Variants in FRS2 observed in about 807,000 individuals in gnomAD.
The protein encoded by FRS2 is FGFR signalling adaptor.
In FRS2, 8 loss-of-function variants were observed where a neutral mutation model predicts 43.9. That is an observed-to-expected ratio of 0.18 (90% CI 0.11 to 0.33). FRS2 has a LOEUF of 0.33. Among genes scored for constraint, FRS2 ranks in the 10% least tolerant of loss-of-function variants. The pLI is 1.00. For missense variants in FRS2, 534 were observed against 627.6 expected, an observed-to-expected ratio of 0.85 and a Z score of 1.59; for synonymous variants, 219 against 220.3, an observed-to-expected ratio of 0.99 and a Z score of 0.05.
At chr12:69,525,130 TC>T (rs1876078729) in intron 1 of FRS2, among the ~76,000 whole-genome samples, 1 of 152,032 alleles carries the variant, frequency 6.6e-6, no homozygotes, top group African/African-American at 2.4e-5. Flanking sequence ...TGGAGAGTCC[TC>T]CACTCTGGAA....
At chr12:69,478,612 A>C (rs997780594) in intron 1 of FRS2, among the ~76,000 whole-genome samples, 3 of 152,130 alleles carry the variant, frequency 2.0e-5, no homozygotes, top group African/African-American at 7.2e-5. Context: ...TTTGAAGACC[A>C]GTGTTTGTGA....
Position 69,552,752 on chromosome 12 carries a change from C to T in FRS2, c.-121-9428C>T, listed in dbSNP as rs571081677. Among the ~76,000 whole-genome samples, 65 of 152,074 alleles carry T rather than the reference C, an allele frequency of 4.3e-4. No individual in the cohort carries two copies. The South Asian group carries it at 0.013, about 31-fold the overall frequency. ...ACTAAAAATACAAAACTTAGCTGGG[C>T]GTGGTGGCGCATGCCTGTAATTCCA... On this transcript the variant is annotated intron_variant, in intron 3 of 8. Coordinates refer to ENST00000549921, the MANE Select transcript of FRS2 (RefSeq NM_001278356.2).
At chr12:69,500,618 A>G (rs1268789577) in intron 1 of FRS2, among the ~76,000 whole-genome samples, 1 of 152,202 alleles carries the variant, frequency 6.6e-6, no homozygotes, top group Non-Finnish European at 1.5e-5. Context: ...TATTTAATTC[A>G]ACCATAATAA....
At chr12:69,570,097 C>T (rs1204100617) in intron 5 of FRS2, among the ~76,000 whole-genome samples, 2 of 152,196 alleles carry the variant, frequency 1.3e-5, no homozygotes, top group Admixed American at 1.3e-4. Context: ...ATTCCTTTGT[C>T]AATTAATCAT....
At chr12:69,475,462 A>G (rs1274777499) in intron 1 of FRS2, among the ~76,000 whole-genome samples, 1 of 152,160 alleles carries the variant, frequency 6.6e-6, no homozygotes, top group Non-Finnish European at 1.5e-5. Flanking sequence ...TTCAGTCTAA[A>G]TGATGGCCAG....
intron 1 of FRS2, among the ~76,000 whole-genome samples, chr12:69,523,976 G>A (rs1875943576): frequency 6.6e-6 from 1 of 152,232 alleles, no homozygotes; most frequent in African/African-American, 2.4e-5. Context: ...AACAGCAGTG[G>A]CAGTGTGGAC....
At chr12:69,535,803 T>C (rs1282266118) in intron 3 of FRS2, among the ~76,000 whole-genome samples, 1 of 152,184 alleles carries the variant, frequency 6.6e-6, no homozygotes, top group Non-Finnish European at 1.5e-5. Flanking sequence ...ACATGGTAAT[T>C]AATGTCTCTC....
chr12:69,555,611 G>C lies in FRS2; in HGVS notation c.-121-6569G>C, dbSNP rs370481877. On this transcript the variant is annotated intron_variant, in intron 3 of 8. Transcript: ENST00000549921. ...GGATTTTGTCAACCAGAAAGTATTT[G>C]TGGGATGCGAAATTTCCATATACAA... Among the ~76,000 whole-genome samples, 534 of 152,274 alleles carry C rather than the reference G, an allele frequency of 3.5e-3. 3 individuals carry two copies. Among genetic ancestry groups the C allele is most frequent in the African/African-American group, 0.012 (513 of 41,538 alleles).
chr12:69,565,001 C>G (rs138186632), intron 4 of FRS2, among the ~76,000 whole-genome samples: 134 of 152,320 alleles, frequency 8.8e-4, no homozygotes, highest in South Asian at 2.1e-3. Context: ...GTGGAGATTC[C>G]TTCTGAGAAA....
At chr12:69,553,643 G>A (rs951814681) in intron 3 of FRS2, among the ~76,000 whole-genome samples, 2 of 152,136 alleles carry the variant, frequency 1.3e-5, no homozygotes, top group African/African-American at 4.8e-5. Flanking sequence ...TCTGAAATAG[G>A]ATTTGATTCT....
Position 69,577,323 on chromosome 12 carries a change from A to G in FRS2, c.*2368A>G, listed in dbSNP as rs1881258429. ...GTGTTAATTTCTAGATATTTTCTAG[A>G]AATCACTTGTGTTCCTATTTAATAA... On this transcript the variant is annotated 3_prime_UTR_variant, in exon 9 of 9. Transcript: ENST00000549921. 6.6e-6 allele frequency: 1 copy of G among 152,176 alleles called. No individual in the cohort carries two copies. Among genetic ancestry groups the G allele is most frequent in the South Asian group, 2.1e-4 (1 of 4,834 alleles). 9.4% of individuals were successfully genotyped at this position (152,176 alleles called of 1,614,324 possible). A position where few individuals can be genotyped will look rare whatever the true frequency, so the allele number is the denominator to read the frequency against.
chr12:69,533,930 A>G lies in FRS2; in HGVS notation c.-122+1874A>G, dbSNP rs568694725. Among the ~76,000 whole-genome samples, 129 of 152,298 alleles carry G rather than the reference A, an allele frequency of 8.5e-4. No homozygotes were observed. In the Middle Eastern group the frequency reaches 0.01, roughly 12 times the overall value. On this transcript the variant is annotated intron_variant, in intron 3 of 8. Transcript: ENST00000549921. ...GATTGTTTTTGAGGAATCCAGTGCT[A>G]TTCTAGGTCATTTTAGGTCTGAAGG...
chr12:69,570,243 TA>T, intron 5 of FRS2, 87 bp from the exon 6 acceptor site: 1 of 977,504 alleles, frequency 1.0e-6, no homozygotes. Context: ...ATGAATGAAC[TA>T]ACAAATTACA....
intron 1 of FRS2, among the ~76,000 whole-genome samples, chr12:69,511,252 A>G (rs750036211): frequency 6.6e-5 from 10 of 152,204 alleles, no homozygotes; most frequent in African/African-American, 2.2e-4. Flanking sequence ...TCCATCATTC[A>G]TTAAGCAGTC....
intron 3 of FRS2, among the ~76,000 whole-genome samples, chr12:69,557,578 G>A (rs1301358659): frequency 6.8e-6 from 1 of 146,742 alleles, no homozygotes; most frequent in Non-Finnish European, 1.5e-5. Flanking sequence ...GTTTCTTTGA[G>A]AGTTCTGAAG....
chr12:69,507,200 AC>A (rs1454753029), intron 1 of FRS2, among the ~76,000 whole-genome samples: 6 of 151,956 alleles, frequency 3.9e-5, no homozygotes, highest in Non-Finnish European at 7.4e-5. Flanking sequence ...CATACTTCTT[AC>A]CCCCTCTCCT....
chr12:69,498,296 A>G (rs539825182), intron 1 of FRS2, among the ~76,000 whole-genome samples: 1 of 152,336 alleles, frequency 6.6e-6, no homozygotes, highest in South Asian at 2.1e-4. Context: ...GGATAAAAGT[A>G]TAAGGCACAA....
intron 3 of FRS2, among the ~76,000 whole-genome samples, chr12:69,558,813 T>C (rs758651600): frequency 3.3e-5 from 5 of 152,220 alleles, no homozygotes; most frequent in Non-Finnish European, 7.3e-5. Context: ...CCTTTATCTT[T>C]ATTTCTAGCA....
At chr12:69,564,572 C>T (rs545404337) in intron 4 of FRS2, among the ~76,000 whole-genome samples, 1 of 152,278 alleles carries the variant, frequency 6.6e-6, no homozygotes, top group African/African-American at 2.4e-5. Context: ...GAAACTGCCT[C>T]TGTTTTCCAT....
Sources: gnomAD v4.1 joint callset for allele counts (sites outside exome capture counted in the v4.1 genomes callset) on GRCh38, gnomAD v4.1.1 for gene constraint, MANE v1.5 for transcripts, NCBI Gene and HGNC (gene_info 2026-07-23, HGNC 2026-07-21) for gene names.